The following PTAR1 variants were observed in gnomAD, a reference collection of about 807,000 sequenced individuals.
The protein encoded by PTAR1 is protein prenyltransferase alpha subunit repeat-containing protein 1.
In PTAR1, 17 loss-of-function variants were observed where a neutral mutation model predicts 45.5. That is an observed-to-expected ratio of 0.37 (90% confidence interval 0.26 to 0.56). The LOEUF (loss-of-function observed/expected upper bound fraction) is 0.56. PTAR1 is among the 20% of genes least tolerant of loss of function. The pLI is 0.77. For missense variants in PTAR1, 391 were observed against 476.3 expected (o/e 0.82, Z 1.67); for synonymous variants, 169 against 171.3 (o/e 0.99, Z 0.11).
chr9:69,758,126 G>A (rs572798462), intron 1 of PTAR1: 1 of 152,254 alleles, frequency 6.6e-6, no homozygotes, highest in Admixed American at 6.5e-5. Context: ...GGGCATTAAA[G>A]TCCTTTAAGA....
At chr9:69,744,480 G>C (rs1826182853) in intron 2 of PTAR1, among the ~76,000 whole-genome samples, 1 of 151,618 alleles carries the variant, frequency 6.6e-6, no homozygotes, top group African/African-American at 2.4e-5. Context: ...CTGCCTCCTA[G>C]GCTCAAGCGA....
At chr9:69,748,139 G>C (rs1359710745) in intron 2 of PTAR1, among the ~76,000 whole-genome samples, 1 of 152,072 alleles carries the variant, frequency 6.6e-6, no homozygotes, top group African/African-American at 2.4e-5. Flanking sequence ...ATGAAGGCCT[G>C]GTCAGCCAAA....
At chr9:69,729,033 T>C (rs907264655) in intron 5 of PTAR1, among the ~76,000 whole-genome samples, 1 of 152,180 alleles carries the variant, frequency 6.6e-6, no homozygotes, top group Admixed American at 6.5e-5. Flanking sequence ...AAAATTATAT[T>C]AGGCTGCTGG....
At chr9:69,754,841 A>C (rs1168811791) in intron 1 of PTAR1, among the ~76,000 whole-genome samples, 1 of 151,880 alleles carries the variant, frequency 6.6e-6, no homozygotes, top group African/African-American at 2.4e-5. Flanking sequence ...GGTGTGAGTC[A>C]CTGTGCCCAG....
chr9:69,743,537 CAACA>C (rs1309388312), intron 2 of PTAR1, among the ~76,000 whole-genome samples: 1 of 152,060 alleles, frequency 6.6e-6, no homozygotes, highest in Admixed American at 6.6e-5. Flanking sequence ...TTCAAATGAG[CAACA>C]AACAGTAGGA....
Position 69,718,478 on chromosome 9 carries a change from C to T in PTAR1, c.1073G>A (p.Arg358Gln), listed in dbSNP as rs999400056. ...GCCTAGGGAGTCTGGAACTGGCGTC[C>T]GCTTCAGGCGTTTGGTTTCCTGGGA... ...GYSQETKRLK[R>Q]TPVPDSLGLE... Residue 358 changes from arginine to glutamine, a missense_variant, in exon 8 of 8, where the codon CGG becomes CAG. Physicochemically the swap from Arg to Gln is conservative, Grantham distance 43. Transcript: ENST00000340434. 9 of 1,613,586 alleles carry T rather than the reference C, an allele frequency of 5.6e-6. No individual in the cohort carries two copies. The highest frequency in any genetic ancestry group is 7.6e-6 in the Non-Finnish European group (9 of 1,179,712).
chr9:69,741,578 T>C (rs2134137675), intron 3 of PTAR1: 1 of 541,758 alleles, frequency 1.8e-6, no homozygotes, highest in Non-Finnish European at 3.3e-6. Context: ...TAACTCAACA[T>C]GACAATTTAT....
rs531262557 is a variant in PTAR1, at chr9:69,744,697, A to T, written c.257-2839T>A. 3.9e-5 allele frequency among the ~76,000 whole-genome samples: 6 copies of T among 152,202 alleles called. No homozygotes were observed. The South Asian group carries it at 8.3e-4, about 21-fold the overall frequency. On this transcript the variant is annotated intron_variant, in intron 2 of 7. Transcript: ENST00000340434. ...CACTGCACCTGGCCTCATCTGTTTT[A>T]TGCGTATCTTACTTTTGTTACTTAC...
intron 5 of PTAR1, among the ~76,000 whole-genome samples, chr9:69,729,883 C>T (rs546239237): frequency 7.2e-5 from 11 of 152,092 alleles, no homozygotes; most frequent in Non-Finnish European, 1.5e-4. Context: ...GCCATGTTGC[C>T]CTTCAGTAAG....
At chr9:69,756,973 T>C (rs1289192415) in intron 1 of PTAR1, 3 of 151,816 alleles carry the variant, frequency 2.0e-5, no homozygotes, top group East Asian at 1.9e-4. Flanking sequence ...AATTGCTCAA[T>C]AGCTACTATG....
In PTAR1 at chr9:69,709,835, G is replaced by A. The variant is rs934289841; in HGVS notation, c.*8507C>T. 3 of 152,024 alleles carry A rather than the reference G, an allele frequency of 2.0e-5. No individual in the cohort carries two copies. Among genetic ancestry groups the A allele is most frequent in the African/African-American group, 7.2e-5 (3 of 41,388 alleles). 9.4% of individuals were successfully genotyped at this position (152,024 alleles called of 1,614,324 possible). ...AATAGGTAAGATATACAATTAACAT[G>A]CAATTTAAGCTATATTATTTTGAAG... On this transcript the variant is annotated 3_prime_UTR_variant, in exon 8 of 8. Coordinates refer to ENST00000340434, the MANE Select transcript of PTAR1 (RefSeq NM_001099666.2).
chr9:69,732,694 T>C (rs1208331351), intron 4 of PTAR1, among the ~76,000 whole-genome samples: 1 of 152,008 alleles, frequency 6.6e-6, no homozygotes, highest in Non-Finnish European at 1.5e-5. Flanking sequence ...GTGGTCGTGG[T>C]GAGAGGTCAT....
chr9:69,717,370 A>G lies in PTAR1; in HGVS notation c.*972T>C, dbSNP rs1824771069. ...CCAGGTTTTCAGGAAAAAAAAATCA[A>G]TTTTATAAGGACTGATGTGTTTTGG... On this transcript the variant is annotated 3_prime_UTR_variant, in exon 8 of 8. Coordinates refer to ENST00000340434, the MANE Select transcript of PTAR1 (RefSeq NM_001099666.2). 6.6e-6 allele frequency: 1 copy of G among 152,228 alleles called. No individual in the cohort carries two copies. The highest frequency in any genetic ancestry group is 2.1e-4 in the South Asian group (1 of 4,832). 9.4% of individuals were successfully genotyped at this position (152,228 alleles called of 1,614,324 possible).
intron 2 of PTAR1, among the ~76,000 whole-genome samples, chr9:69,742,879 T>C (rs2134141264): frequency 6.6e-6 from 1 of 152,254 alleles, no homozygotes; most frequent in South Asian, 2.1e-4. Context: ...TTTATATTTA[T>C]GACAGAATTC....
intron 5 of PTAR1, among the ~76,000 whole-genome samples, chr9:69,731,460 GAAT>G (rs764051874): frequency 1.8e-4 from 28 of 152,146 alleles, no homozygotes; most frequent in Admixed American, 4.6e-4. Flanking sequence ...TCATTCTGAT[GAAT>G]AATAAGTGGT....
At position 69,716,409 on chromosome 9, in the gene PTAR1, A is replaced by AT. The variant is rs1481901389; in HGVS notation, c.*1932dup. 5 of 152,192 alleles carry AT rather than the reference A, an allele frequency of 3.3e-5. No individual in the cohort carries two copies. Among genetic ancestry groups the AT allele is most frequent in the Non-Finnish European group, 7.3e-5 (5 of 68,036 alleles). The allele number at this position is 152,192 out of a possible 1,614,324, so 9.4% of individuals were successfully genotyped here. On this transcript the variant is annotated 3_prime_UTR_variant, in exon 8 of 8. Coordinates refer to ENST00000340434, the MANE Select transcript of PTAR1 (RefSeq NM_001099666.2). ...TTTTCATCTAAATAATATAAAAGCT[A>AT]TAAAAAGGTAATTTTTTACTTGAGA...
chr9:69,734,053 TG>T, intron 4 of PTAR1, 96 bp downstream of exon 4: 1 of 731,652 alleles, frequency 1.4e-6, no homozygotes, highest in Middle Eastern at 2.3e-4. Context: ...ATTCATGCTC[TG>T]GAACCAATAA....
rs1415057583 is a variant in PTAR1 at position 69,716,546 on chromosome 9, G to A, written c.*1796C>T. On this transcript the variant is annotated 3_prime_UTR_variant, in exon 8 of 8. Coordinates refer to ENST00000340434, the MANE Select transcript of PTAR1 (RefSeq NM_001099666.2). ...AACAAAACCATGATGCCAAAGAAAA[G>A]GACATATTTCTTCTTCTTTAAGGCA... is the stretch of plus-strand genomic sequence containing the variant. 1 of 152,168 alleles carries A rather than the reference G, an allele frequency of 6.6e-6. No homozygotes were observed. The highest frequency in any genetic ancestry group is 2.1e-4 in the South Asian group (1 of 4,822). The allele number at this position is 152,168 out of a possible 1,614,324, so 9.4% of individuals were successfully genotyped here.
rs1315918422 is a variant in PTAR1, at chr9:69,711,602, T to C, written c.*6740A>G. 1 of 152,184 alleles carries C rather than the reference T, an allele frequency of 6.6e-6. No individual in the cohort carries two copies. The highest frequency in any genetic ancestry group is 6.6e-5 in the Admixed American group (1 of 15,266). 9.4% of individuals were successfully genotyped at this position (152,184 alleles called of 1,614,324 possible). A position where few individuals can be genotyped will look rare whatever the true frequency, so the allele number is the denominator to read the frequency against. On this transcript the variant is annotated 3_prime_UTR_variant, in exon 8 of 8. Coordinates refer to ENST00000340434, the MANE Select transcript of PTAR1 (RefSeq NM_001099666.2). ...AAAAAGAACCTAAACCCGATAGTAC[T>C]GGATATACCAATACAGAGACTGATT...
Sources: allele counts gnomAD v4.1 joint callset (sites outside exome capture counted in the v4.1 genomes callset), GRCh38; gene constraint gnomAD v4.1.1; transcripts MANE v1.5; gene names NCBI Gene and HGNC (gene_info 2026-07-23, HGNC 2026-07-21).